The following ATP6V0A4 variants were observed in gnomAD, a reference collection of about 807,000 sequenced individuals.
ATP6V0A4 encodes the protein ATPase H+ transporting V0 subunit a4.
A neutral mutation model predicts 107.3 loss-of-function variants in ATP6V0A4; 86 were observed. The observed-to-expected ratio is 0.80, with a 90% CI of 0.67 to 0.96. The LOEUF (loss-of-function observed/expected upper bound fraction) is 0.96, where lower values mean the gene tolerates loss of function less well. Among genes scored for constraint, ATP6V0A4 ranks in the 40% least tolerant of loss-of-function variants. ATP6V0A4 has a pLI of 0.00. For missense variants in ATP6V0A4, 908 were observed against 1,045.6 expected (o/e 0.87, Z 1.81); for synonymous variants, 353 against 381.4 (o/e 0.93, Z 0.87).
chr7:138,762,422 A>G lies in ATP6V0A4; in HGVS notation c.430T>C (p.Leu144=). The change falls in exon 7 of 22, where the codon TTA becomes CTA. Residue 144 remains leucine, a synonymous_variant. Transcript: ENST00000310018. ...TQDFFETETN[L]ADDFFTEDTS... is the part of the protein sequence containing the mutation. ...TCCTCAGTAAAGAAATCATCAGCTA[A>G]ATTGGTTTCCGTCTGAAAGTCAAAG... 6.2e-7 allele frequency: 1 copy of G among 1,614,082 alleles called. No individual in the cohort carries two copies. The highest frequency in any genetic ancestry group is 2.2e-5 in the East Asian group (1 of 44,880).
At chr7:138,720,561 GT>G (rs1804377202) in intron 19 of ATP6V0A4, among the ~76,000 whole-genome samples, 1 of 152,162 alleles carries the variant, frequency 6.6e-6, no homozygotes, top group Non-Finnish European at 1.5e-5. Context: ...AGCCACTACT[GT>G]GGATCACTCT....
rs779852735 is a variant in ATP6V0A4, at chr7:138,728,783, C to A, written c.1988G>T (p.Arg663Ile). 1.4e-5 allele frequency: 23 copies of A among 1,614,156 alleles called. No individual in the cohort carries two copies. The highest frequency in any genetic ancestry group is 1.9e-5 in the Non-Finnish European group (23 of 1,180,038). The change falls in exon 18 of 22, where the codon AGA (arginine) becomes ATA (isoleucine). Residue 663 changes from arginine to isoleucine, a missense_variant. Transcript: ENST00000310018. The stretch of plus-strand genomic sequence containing the variant: ...TACCTGGGATTTCCGATGACTGGCT[C>A]TAAGAATAAACGGCTTAATCAGAAG... Reference protein sequence around the residue: ...WMLLIKPFILRASHRKSQLQA... With the variant: ...WMLLIKPFILIASHRKSQLQA...
chr7:138,785,045 T>A (rs1808116120), intron 2 of ATP6V0A4, among the ~76,000 whole-genome samples: 1 of 152,140 alleles, frequency 6.6e-6, no homozygotes, highest in South Asian at 2.1e-4. Context: ...ACAAGATCAA[T>A]TTACAGGAGG....
chr7:138,759,966 A>C lies in ATP6V0A4; in HGVS notation c.513-88T>G, dbSNP rs144273861. ...CTGTAGGACGTGAAGACACACCATG[A>C]AAGGAAGGGCCATTCACTCTGTGAG... On this transcript the variant is annotated intron_variant, in intron 7 of 21. Coordinates refer to ENST00000310018, the MANE Select transcript of ATP6V0A4 (RefSeq NM_020632.3). The C allele has an allele frequency of 4.4e-4, 698 of 1,603,610 alleles. 2 individuals are homozygous for C. The African/African-American group carries it at 7.9e-3, about 18-fold the overall frequency.
intron 2 of ATP6V0A4, among the ~76,000 whole-genome samples, chr7:138,777,592 G>A (rs1234109237): frequency 7.1e-6 from 1 of 139,978 alleles, no homozygotes; most frequent in African/African-American, 2.7e-5. Flanking sequence ...CCCAGCCTGG[G>A]CAAAGAGAGG....
At chr7:138,781,970 A>C (rs1381769642) in intron 2 of ATP6V0A4, among the ~76,000 whole-genome samples, 3 of 151,542 alleles carry the variant, frequency 2.0e-5, no homozygotes, top group Non-Finnish European at 4.4e-5. Context: ...GAGCCACTGC[A>C]CCTGGACCCC....
At chr7:138,765,390 T>G (rs563459424) in intron 5 of ATP6V0A4, among the ~76,000 whole-genome samples, 1 of 152,342 alleles carries the variant, frequency 6.6e-6, no homozygotes, top group South Asian at 2.1e-4. Flanking sequence ...ATAAAAATAA[T>G]GCTGCTATTA....
At chr7:138,779,742 T>C (rs964112235) in intron 2 of ATP6V0A4, among the ~76,000 whole-genome samples, 3 of 152,214 alleles carry the variant, frequency 2.0e-5, no homozygotes, top group African/African-American at 7.2e-5. Context: ...CATAACTTCA[T>C]TACTATGATG....
Position 138,771,227 on chromosome 7 carries a change from G to C in ATP6V0A4, c.21C>G (p.Ser7Arg), listed in dbSNP as rs777850731. Residue 7 changes from serine to arginine, a missense_variant, in exon 3 of 22, where the codon AGC becomes AGG. Coordinates refer to ENST00000310018, the MANE Select transcript of ATP6V0A4 (RefSeq NM_020632.3). MVSVFR[S>R]EEMCLSQLFL... is the part of the protein sequence containing the mutation. ...ACAGTTGTGACAAACACATCTCCTC[G>C]CTTCGAAACACAGACACCATCTTGG... 1 of 1,613,704 alleles carries C rather than the reference G, an allele frequency of 6.2e-7. No homozygotes were observed. Among genetic ancestry groups the C allele is most frequent in the Middle Eastern group, 1.6e-4 (1 of 6,062 alleles).
At chr7:138,708,596 C>A (rs1161421090) in intron 21 of ATP6V0A4, among the ~76,000 whole-genome samples, 3 of 152,192 alleles carry the variant, frequency 2.0e-5, no homozygotes, top group African/African-American at 7.2e-5. Flanking sequence ...TGGAAGACAA[C>A]CAGAGGCCTA....
chr7:138,733,359 G>A (rs1805128602), intron 16 of ATP6V0A4, among the ~76,000 whole-genome samples: 1 of 151,916 alleles, frequency 6.6e-6, no homozygotes, highest in Non-Finnish European at 1.5e-5. Context: ...TAAAGCAAAG[G>A]TCATGCCCAC....
At chr7:138,762,171 C>T (rs1047474202) in intron 7 of ATP6V0A4, among the ~76,000 whole-genome samples, 169 bp downstream of exon 7, 1 of 152,096 alleles carries the variant, frequency 6.6e-6, no homozygotes, top group African/African-American at 2.4e-5. Flanking sequence ...ACACCACTTC[C>T]GACTCCACCA....
At chr7:138,796,774 C>T (rs1007536842) in intron 1 of ATP6V0A4, among the ~76,000 whole-genome samples, 1 of 119,176 alleles carries the variant, frequency 8.4e-6, no homozygotes, top group African/African-American at 3.0e-5. Flanking sequence ...TTTCTTTCTT[C>T]CGGGTTTGGT....
Position 138,722,342 on chromosome 7 carries a change from A to G in ATP6V0A4, c.2011-317T>C, listed in dbSNP as rs574021596. On this transcript the variant is annotated intron_variant, in intron 18 of 21. Transcript: ENST00000310018. ...GACTCCGTCTCAAAAAAATAAATAA[A>G]TAAAATAAAATAAAAATAAAAAAAG... is the stretch of plus-strand genomic sequence containing the variant. 2.0e-5 allele frequency among the ~76,000 whole-genome samples: 3 copies of G among 151,732 alleles called. No homozygotes were observed. The South Asian group carries it at 6.3e-4, about 32-fold the overall frequency.
At chr7:138,788,263 A>AAAG (rs1295623243) in intron 1 of ATP6V0A4, among the ~76,000 whole-genome samples, 1 of 152,234 alleles carries the variant, frequency 6.6e-6, no homozygotes, top group Non-Finnish European at 1.5e-5. Context: ...TTATTAAACA[A>AAAG]AAGATGAATC....
At chr7:138,710,909 T>G (rs1337767944) in intron 20 of ATP6V0A4, among the ~76,000 whole-genome samples, 2 of 152,150 alleles carry the variant, frequency 1.3e-5, no homozygotes, top group Non-Finnish European at 2.9e-5. Context: ...AAGAGCCAAG[T>G]CAGAGGAATT....
intron 2 of ATP6V0A4, among the ~76,000 whole-genome samples, chr7:138,780,551 T>C (rs956809572): frequency 4.0e-5 from 6 of 150,540 alleles, no homozygotes; most frequent in Non-Finnish European, 5.9e-5. Flanking sequence ...GCTGGCAGAT[T>C]GGGCACTCAG....
At chr7:138,787,415 C>T (rs751266621) in intron 1 of ATP6V0A4, among the ~76,000 whole-genome samples, 2 of 152,146 alleles carry the variant, frequency 1.3e-5, no homozygotes, top group African/African-American at 2.4e-5. Flanking sequence ...CAAGTGACAA[C>T]ATGAAAACTG....
chr7:138,766,007 C>G (rs1238819023), intron 5 of ATP6V0A4, among the ~76,000 whole-genome samples: 2 of 151,952 alleles, frequency 1.3e-5, no homozygotes, highest in African/African-American at 4.8e-5. Flanking sequence ...CTGCCTTGGC[C>G]TCCCAAAGTG....
Sources: gnomAD v4.1 joint callset for allele counts (sites outside exome capture counted in the v4.1 genomes callset) on GRCh38, gnomAD v4.1.1 for gene constraint, MANE v1.5 for transcripts, NCBI Gene and HGNC (gene_info 2026-07-23, HGNC 2026-07-21) for gene names.